The following ADCY2 variants were observed in gnomAD, a reference collection of about 807,000 sequenced individuals.
ADCY2 encodes adenylate cyclase 2.
A neutral mutation model predicts 125.2 loss-of-function variants in ADCY2; 31 were observed. The ratio of observed to expected loss-of-function variants is 0.25; its 90% CI spans 0.19 to 0.33. The LOEUF is 0.33. Ranked by LOEUF, ADCY2 falls within the 10% of genes least tolerant of loss-of-function variation. The pLI is 1.00. For synonymous variants in ADCY2, 512 were observed against 548.4 expected (o/e 0.93, Z 0.93); for missense variants, 904 against 1,418.2 (o/e 0.64, Z 5.82).
intron 3 of ADCY2, among the ~76,000 whole-genome samples, chr5:7,615,186 C>G (rs1319097504): frequency 6.6e-6 from 1 of 152,174 alleles, no homozygotes; most frequent in African/African-American, 2.4e-5. Flanking sequence ...TCATCTCCCA[C>G]CAGCCCCCTC....
intron 2 of ADCY2, among the ~76,000 whole-genome samples, chr5:7,486,191 T>C (rs1742919331): frequency 6.6e-6 from 1 of 152,224 alleles, no homozygotes; most frequent in Non-Finnish European, 1.5e-5. Context: ...TTCATTATAG[T>C]GCTGTTGCAA....
chr5:7,542,341 AAGAC>A (rs1311539266), intron 3 of ADCY2, among the ~76,000 whole-genome samples: 2 of 150,726 alleles, frequency 1.3e-5, no homozygotes, highest in Admixed American at 6.6e-5. Context: ...CTTTACAAGA[AAGAC>A]AGGTAAAATA....
At chr5:7,678,820 T>C (rs1019112629) in intron 4 of ADCY2, among the ~76,000 whole-genome samples, 2 of 152,232 alleles carry the variant, frequency 1.3e-5, no homozygotes, top group Non-Finnish European at 2.9e-5. Flanking sequence ...GTGACAGAGC[T>C]GAGGCCAGAA....
intron 3 of ADCY2, among the ~76,000 whole-genome samples, chr5:7,554,835 C>T (rs1735452705): frequency 6.6e-6 from 1 of 152,120 alleles, no homozygotes; most frequent in South Asian, 2.1e-4. Context: ...GCAAATGTCT[C>T]AACAGTTTTT....
intron 14 of ADCY2, among the ~76,000 whole-genome samples, chr5:7,727,976 T>A (rs1207464026): frequency 6.6e-6 from 1 of 152,192 alleles, no homozygotes; most frequent in African/African-American, 2.4e-5. Flanking sequence ...TCTCATTTTA[T>A]GATCTAAAGA....
chr5:7,699,459 T>C (rs1471834807), intron 7 of ADCY2, among the ~76,000 whole-genome samples: 1 of 152,238 alleles, frequency 6.6e-6, no homozygotes, highest in East Asian at 1.9e-4. Flanking sequence ...TGACTATTTC[T>C]ATTGTTCTGC....
At chr5:7,634,926 G>C (rs1367994356) in intron 4 of ADCY2, among the ~76,000 whole-genome samples, 1 of 152,212 alleles carries the variant, frequency 6.6e-6, no homozygotes, top group African/African-American at 2.4e-5. Flanking sequence ...GGGCCAGGCA[G>C]GGAGGCTTCT....
At chr5:7,814,022 C>CA (rs202099109) in intron 22 of ADCY2, among the ~76,000 whole-genome samples, 19,164 of 132,818 alleles carry the variant, frequency 0.14, 3,562 homozygotes, top group African/African-American at 0.44. Context: ...AGTCGTGAGA[C>CA]AAAAAAAAAA....
intron 3 of ADCY2, among the ~76,000 whole-genome samples, chr5:7,527,316 G>A (rs564327845): frequency 3.3e-5 from 5 of 152,284 alleles, no homozygotes; most frequent in East Asian, 1.9e-4. Flanking sequence ...CATATACATC[G>A]TGCCTGTTCT....
At chr5:7,421,036 A>T (rs532345205) in intron 2 of ADCY2, among the ~76,000 whole-genome samples, 4 of 152,268 alleles carry the variant, frequency 2.6e-5, no homozygotes, top group Non-Finnish European at 5.9e-5. Context: ...GTCCAGCTCA[A>T]TTACACAACA....
At chr5:7,554,059 G>A (rs903751914) in intron 3 of ADCY2, among the ~76,000 whole-genome samples, 3 of 152,078 alleles carry the variant, frequency 2.0e-5, no homozygotes, top group Non-Finnish European at 4.4e-5. Flanking sequence ...CAAGCATCTT[G>A]TGTCTTTAAA....
In ADCY2 at chr5:7,829,837, G is replaced by A. The variant is rs567312031; in HGVS notation, c.*2966G>A. ...TGGCTCCTATAATCCCAATATTTTG[G>A]GAGGCCGAGGAGAGAGGATCACTTA... On this transcript the variant is annotated 3_prime_UTR_variant, in exon 25 of 25. Transcript: ENST00000338316. 5.3e-5 allele frequency: 8 copies of A among 152,134 alleles called. No individual in the cohort carries two copies. The highest frequency in any genetic ancestry group is 7.3e-5 in the Non-Finnish European group (5 of 68,084). The allele number at this position is 152,134 out of a possible 1,614,324, so 9.4% of individuals were successfully genotyped here.
intron 20 of ADCY2, among the ~76,000 whole-genome samples, chr5:7,792,531 C>T (rs1310564318): frequency 6.6e-6 from 1 of 152,060 alleles, no homozygotes; most frequent in Non-Finnish European, 1.5e-5. Context: ...GGTACCCTGG[C>T]CCCAGGGTTC....
intron 11 of ADCY2, among the ~76,000 whole-genome samples, chr5:7,715,823 G>A (rs1434401075): frequency 6.6e-6 from 1 of 152,120 alleles, no homozygotes; most frequent in African/African-American, 2.4e-5. Flanking sequence ...ACAGATAAAT[G>A]AGACTTTGCA....
chr5:7,422,561 A>G (rs914848276), intron 2 of ADCY2, among the ~76,000 whole-genome samples: 3 of 152,180 alleles, frequency 2.0e-5, no homozygotes, highest in African/African-American at 4.8e-5. Flanking sequence ...CTCTTGTACT[A>G]AAGCTCATTG....
chr5:7,703,912 G>T (rs1007113995), intron 7 of ADCY2, among the ~76,000 whole-genome samples: 1 of 151,060 alleles, frequency 6.6e-6, no homozygotes. Context: ...TGAGGCAGGA[G>T]AATCACTTGA....
chr5:7,781,122 C>T (rs1043141164), intron 18 of ADCY2, among the ~76,000 whole-genome samples: 5 of 152,110 alleles, frequency 3.3e-5, no homozygotes, highest in Non-Finnish European at 5.9e-5. Context: ...AACTCAATGA[C>T]GGTGCCACCC....
chr5:7,810,038 T>C (rs1295407383), intron 22 of ADCY2, among the ~76,000 whole-genome samples: 2 of 152,222 alleles, frequency 1.3e-5, no homozygotes, highest in African/African-American at 4.8e-5. Flanking sequence ...CCCTTCGTTT[T>C]GCCCTCAAGA....
chr5:7,656,315 A>T (rs1342363652), intron 4 of ADCY2, among the ~76,000 whole-genome samples: 1 of 152,098 alleles, frequency 6.6e-6, no homozygotes, highest in Non-Finnish European at 1.5e-5. Flanking sequence ...CAGCCTTCCG[A>T]AGTGCTGGGG....
Sources: allele counts gnomAD v4.1 joint callset (sites outside exome capture counted in the v4.1 genomes callset), GRCh38; gene constraint gnomAD v4.1.1; transcripts MANE v1.5; gene names NCBI Gene and HGNC (gene_info 2026-07-23, HGNC 2026-07-21).